NTM: variants seen among roughly 807,000 people sequenced by gnomAD.
NTM encodes the protein IgLON family member 2.
A neutral mutation model predicts 42.1 loss-of-function variants in NTM; 13 were observed. The ratio of observed to expected loss-of-function variants is 0.31; its 90% CI spans 0.20 to 0.49. The LOEUF (loss-of-function observed/expected upper bound fraction) is 0.49. Ranked by LOEUF, NTM falls within the 20% of genes least tolerant of loss-of-function variation. NTM has a pLI of 0.99. For missense variants in NTM, 373 were observed against 452.8 expected, an observed-to-expected ratio of 0.82 and a Z score of 1.60; for synonymous variants, 187 against 179.2, an observed-to-expected ratio of 1.04 and a Z score of -0.35.
At chr11:132,030,582 G>A (rs542796885) in intron 2 of NTM, among the ~76,000 whole-genome samples, 2 of 152,342 alleles carry the variant, frequency 1.3e-5, no homozygotes, top group East Asian at 3.9e-4. Context: ...AGCCCTCTTT[G>A]TTAAGATAAT....
chr11:132,182,281 T>C (rs996285778), intron 3 of NTM, among the ~76,000 whole-genome samples: 5 of 152,160 alleles, frequency 3.3e-5, no homozygotes, highest in Admixed American at 6.6e-5. Flanking sequence ...TCCACTCTTA[T>C]AGAAGCCCTA....
intron 3 of NTM, among the ~76,000 whole-genome samples, chr11:132,202,473 G>A (rs556240059): frequency 3.9e-5 from 6 of 152,214 alleles, no homozygotes; most frequent in African/African-American, 7.2e-5. Flanking sequence ...TGGAAAACAC[G>A]CACAGCTGGG....
At chr11:131,989,518 A>C (rs946656509) in intron 2 of NTM, among the ~76,000 whole-genome samples, 2 of 152,178 alleles carry the variant, frequency 1.3e-5, no homozygotes, top group Non-Finnish European at 2.9e-5. Context: ...ATGTTAGCCT[A>C]ATAACTATGG....
chr11:131,902,687 G>T (rs2053342612), intron 1 of NTM, among the ~76,000 whole-genome samples: 1 of 152,098 alleles, frequency 6.6e-6, no homozygotes. Context: ...ATGTAAATGG[G>T]TTACAATCCC....
chr11:131,700,318 C>A (rs918855483), intron 1 of NTM, among the ~76,000 whole-genome samples: 1 of 152,142 alleles, frequency 6.6e-6, no homozygotes, highest in Non-Finnish European at 1.5e-5. Context: ...ACCTCAAAAT[C>A]AATTGTATGC....
intron 1 of NTM, among the ~76,000 whole-genome samples, chr11:131,757,339 T>G (rs1223766146): frequency 6.6e-6 from 1 of 152,218 alleles, no homozygotes; most frequent in Non-Finnish European, 1.5e-5. Flanking sequence ...TTGTAACCAA[T>G]TCTCTTACCA....
chr11:132,275,746 ATG>A (rs57966568), intron 4 of NTM, among the ~76,000 whole-genome samples: 10,646 of 79,832 alleles, frequency 0.13, 804 homozygotes, highest in African/African-American at 0.21. Flanking sequence ...GTATATATAT[ATG>A]TGTATATATA....
At chr11:132,069,727 C>T (rs1451979534) in intron 2 of NTM, among the ~76,000 whole-genome samples, 4 of 150,578 alleles carry the variant, frequency 2.7e-5, no homozygotes, top group Non-Finnish European at 2.9e-5. Context: ...TCACACTGAC[C>T]ATCACAGGTT....
At position 132,134,757 on chromosome 11, in the gene NTM, A is replaced by ATCTATC. The variant is rs111260161; in HGVS notation, c.168-11524_168-11523insCTATCT. ...TATATATATATATATATATATATATATATCTCACATTTTCTTTATCTATTC... is the reference window on the plus strand; with the variant it reads ...TATATATATATATATATATATATATATCTATCTATCTCACATTTTCTTTATCTATTC... On this transcript the variant is annotated intron_variant, in intron 2 of 8. Coordinates refer to ENST00000683400, the MANE Select transcript of NTM (RefSeq NM_001352005.2). Among the ~76,000 whole-genome samples the ATCTATC allele has an allele frequency of 1.1e-3, 109 of 97,294 alleles. 7 individuals carry two copies. The highest frequency in any genetic ancestry group is 2.2e-3 in the East Asian group (5 of 2,322). The allele number at this position is 97,294 out of a possible 152,430, so 63.8% of individuals were successfully genotyped here.
intron 1 of NTM, among the ~76,000 whole-genome samples, chr11:131,605,244 A>G (rs1308847068): frequency 6.6e-6 from 1 of 152,184 alleles, no homozygotes; most frequent in Non-Finnish European, 1.5e-5. Context: ...AATGTTTTAT[A>G]GTTTTCAGAG....
Position 131,637,222 on chromosome 11 carries a change from G to A in NTM, c.82+266334G>A, listed in dbSNP as rs374020391. Among the ~76,000 whole-genome samples the A allele has an allele frequency of 2.6e-5, 4 of 152,056 alleles. No individual in the cohort carries two copies. In the East Asian group the frequency reaches 7.8e-4, roughly 30 times the overall value. On this transcript the variant is annotated intron_variant, in intron 1 of 8. Coordinates refer to ENST00000683400, the MANE Select transcript of NTM (RefSeq NM_001352005.2). ...ATAGCCAGGACATCCATCCTCGGCT[G>A]GCTATGGTGAATGTGGCCCCTGAGC...
intron 2 of NTM, among the ~76,000 whole-genome samples, chr11:132,042,810 C>T (rs2077380494): frequency 6.6e-6 from 1 of 152,194 alleles, no homozygotes; most frequent in Admixed American, 6.5e-5. Flanking sequence ...ATTTATGCAA[C>T]ATCTGCTATG....
chr11:131,809,552 A>G (rs2092653604), intron 1 of NTM, among the ~76,000 whole-genome samples: 1 of 152,210 alleles, frequency 6.6e-6, no homozygotes, highest in African/African-American at 2.4e-5. Context: ...CCAGCACTTC[A>G]AACTGTGTTT....
At chr11:131,400,801 G>A (rs1441383912) in intron 1 of NTM, among the ~76,000 whole-genome samples, 1 of 152,246 alleles carries the variant, frequency 6.6e-6, no homozygotes, top group Middle Eastern at 3.4e-3. Context: ...TTTGAAATGA[G>A]GAATGTTTTA....
intron 2 of NTM, among the ~76,000 whole-genome samples, chr11:132,124,607 G>A (rs1000423810): frequency 3.3e-5 from 5 of 152,238 alleles, no homozygotes; most frequent in Admixed American, 2.6e-4. Context: ...TATTTTTTGT[G>A]TACGTGTGTG....
intron 3 of NTM, among the ~76,000 whole-genome samples, chr11:132,178,323 A>G (rs140197065): frequency 1.5e-3 from 235 of 152,358 alleles, no homozygotes; most frequent in African/African-American, 5.2e-3. Flanking sequence ...CAGAAAAGCT[A>G]CAAGGCTTCC....
At chr11:131,743,152 C>T (rs2081388874) in intron 1 of NTM, among the ~76,000 whole-genome samples, 1 of 152,038 alleles carries the variant, frequency 6.6e-6, no homozygotes, top group Non-Finnish European at 1.5e-5. Flanking sequence ...ATTTAACAGA[C>T]CTGAACACAA....
chr11:131,780,671 C>T (rs2087919489), intron 1 of NTM, among the ~76,000 whole-genome samples: 1 of 152,134 alleles, frequency 6.6e-6, no homozygotes, highest in Non-Finnish European at 1.5e-5. Flanking sequence ...ACTTGATTTT[C>T]CCTCTTCCAC....
chr11:132,116,510 A>G (rs2063919491), intron 2 of NTM, among the ~76,000 whole-genome samples: 1 of 152,184 alleles, frequency 6.6e-6, no homozygotes, highest in South Asian at 2.1e-4. Context: ...GGACAGATAC[A>G]TGAGTGCCCG....
Sources: allele counts gnomAD v4.1 joint callset (sites outside exome capture counted in the v4.1 genomes callset), GRCh38; gene constraint gnomAD v4.1.1; transcripts MANE v1.5; gene names NCBI Gene and HGNC (gene_info 2026-07-23, HGNC 2026-07-21).